FNDC3B: variants seen among roughly 807,000 people sequenced by gnomAD.
FNDC3B encodes the protein fibronectin type III domain-containing protein 3B.
A neutral mutation model predicts 151.5 loss-of-function variants in FNDC3B; 12 were observed. The observed-to-expected ratio is 0.08, with a 90% CI of 0.05 to 0.13. The LOEUF (loss-of-function observed/expected upper bound fraction) is 0.13, where lower values mean the gene tolerates loss of function less well. Among genes scored for constraint, FNDC3B ranks in the 10% least tolerant of loss-of-function variants. FNDC3B has a pLI of 1.00. For synonymous variants in FNDC3B, 528 were observed against 549.0 expected (o/e 0.96, Z 0.54); for missense variants, 1,214 against 1,505.3 (o/e 0.81, Z 3.20).
At chr3:172,350,143 T>G (rs1733792337) in intron 21 of FNDC3B, among the ~76,000 whole-genome samples, 1 of 152,228 alleles carries the variant, frequency 6.6e-6, no homozygotes, top group Admixed American at 6.5e-5. Flanking sequence ...TTGTTCATAA[T>G]TTTCCCAGTG....
At chr3:172,116,448 AGG>A (rs1720252238) in intron 2 of FNDC3B, among the ~76,000 whole-genome samples, 1 of 152,180 alleles carries the variant, frequency 6.6e-6, no homozygotes, top group Admixed American at 6.5e-5. Flanking sequence ...CCCCCGTCCT[AGG>A]TAACCACTAA....
Position 172,110,085 on chromosome 3 carries a change from A to G in FNDC3B, c.-28-2367A>G, listed in dbSNP as rs567302978. The stretch of plus-strand genomic sequence containing the variant: ...TGCTATTTAGCGGGGTTGGATTGCT[A>G]TGTCTCATTGACAGCGGTCCTGTTA... On this transcript the variant is annotated intron_variant, in intron 1 of 25. Transcript: ENST00000415807. 1.8e-3 allele frequency among the ~76,000 whole-genome samples: 276 copies of G among 152,262 alleles called. 1 individual carries two copies. Among genetic ancestry groups the G allele is most frequent in the African/African-American group, 6.3e-3 (263 of 41,550 alleles).
intron 1 of FNDC3B, among the ~76,000 whole-genome samples, chr3:172,053,022 C>A (rs1481315431): frequency 6.6e-6 from 1 of 152,178 alleles, no homozygotes; most frequent in Non-Finnish European, 1.5e-5. Context: ...TAGTGGCCAA[C>A]AATTTTCCAG....
At chr3:172,100,471 C>T (rs935359440) in intron 1 of FNDC3B, among the ~76,000 whole-genome samples, 2 of 151,954 alleles carry the variant, frequency 1.3e-5, no homozygotes, top group Admixed American at 6.6e-5. Flanking sequence ...AGTTTTCTGT[C>T]GAGAGAAAAT....
chr3:172,096,367 A>C (rs1719094225), intron 1 of FNDC3B, among the ~76,000 whole-genome samples: 1 of 152,342 alleles, frequency 6.6e-6, no homozygotes, highest in South Asian at 2.1e-4. Flanking sequence ...AATGGATTTA[A>C]ATAATTCTAT....
intron 1 of FNDC3B, among the ~76,000 whole-genome samples, chr3:172,079,017 AT>A (rs1718158703): frequency 6.6e-6 from 1 of 152,152 alleles, no homozygotes; most frequent in Non-Finnish European, 1.5e-5. Flanking sequence ...TGAGATAATA[AT>A]TTAACTCACG....
intron 3 of FNDC3B, among the ~76,000 whole-genome samples, chr3:172,164,993 ATATCT>A (rs1283578121): frequency 6.6e-6 from 1 of 152,138 alleles, no homozygotes; most frequent in Non-Finnish European, 1.5e-5. Flanking sequence ...ATTTTTCAAG[ATATCT>A]TAGGAATAGT....
intron 3 of FNDC3B, among the ~76,000 whole-genome samples, chr3:172,189,799 T>TAAAAA (rs60894339): frequency 1.2e-4 from 10 of 84,314 alleles, no homozygotes; most frequent in Non-Finnish European, 2.0e-4. Context: ...AGACCTTGTC[T>TAAAAA]AAAAAAAAAA....
chr3:172,108,257 C>T (rs1719769723), intron 1 of FNDC3B, among the ~76,000 whole-genome samples: 1 of 152,132 alleles, frequency 6.6e-6, no homozygotes, highest in Non-Finnish European at 1.5e-5. Context: ...TCATCCATCA[C>T]CTTATGACTG....
chr3:172,131,662 T>TA (rs1282915841), intron 2 of FNDC3B, among the ~76,000 whole-genome samples: 2 of 152,198 alleles, frequency 1.3e-5, no homozygotes, highest in East Asian at 1.9e-4. Context: ...TTTTCTGATT[T>TA]AAAAAAATTT....
At chr3:172,207,732 G>A (rs1461964383) in intron 3 of FNDC3B, among the ~76,000 whole-genome samples, 3 of 152,188 alleles carry the variant, frequency 2.0e-5, no homozygotes, top group Non-Finnish European at 4.4e-5. Context: ...TGGATCACTT[G>A]AGGTCAGGAG....
intron 4 of FNDC3B, among the ~76,000 whole-genome samples, chr3:172,237,918 CCAGT>C (rs1309153715): frequency 6.6e-6 from 1 of 152,158 alleles, no homozygotes; most frequent in Non-Finnish European, 1.5e-5. Context: ...AGAAACATCA[CCAGT>C]CACTTATTTT....
chr3:172,172,315 G>C (rs1170358523), intron 3 of FNDC3B, among the ~76,000 whole-genome samples: 2 of 152,084 alleles, frequency 1.3e-5, no homozygotes, highest in African/African-American at 4.8e-5. Context: ...TTAATTTCTA[G>C]ATTTAAAAAG....
chr3:172,297,352 G>A (rs1021608546), intron 8 of FNDC3B, among the ~76,000 whole-genome samples: 10 of 152,106 alleles, frequency 6.6e-5, no homozygotes, highest in Admixed American at 1.3e-4. Flanking sequence ...CCCCAAAATA[G>A]AGAAATCAAG....
intron 1 of FNDC3B, among the ~76,000 whole-genome samples, chr3:172,066,468 T>G (rs893175382): frequency 6.6e-6 from 1 of 152,332 alleles, no homozygotes; most frequent in Middle Eastern, 3.4e-3. Flanking sequence ...CCTGTTTACA[T>G]ATAGTTTTGG....
chr3:172,063,611 A>G (rs1252240469), intron 1 of FNDC3B, among the ~76,000 whole-genome samples: 1 of 152,218 alleles, frequency 6.6e-6, no homozygotes, highest in Non-Finnish European at 1.5e-5. Context: ...CAGATAGGAC[A>G]CAAGGGGTTC....
intron 3 of FNDC3B, among the ~76,000 whole-genome samples, chr3:172,189,389 T>G (rs1724382388): frequency 6.6e-6 from 1 of 152,176 alleles, no homozygotes; most frequent in Non-Finnish European, 1.5e-5. Flanking sequence ...TCATTCCAAA[T>G]TTTCTATGAC....
intron 2 of FNDC3B, among the ~76,000 whole-genome samples, chr3:172,130,501 G>A (rs975185651): frequency 4.6e-5 from 7 of 151,914 alleles, no homozygotes; most frequent in African/African-American, 1.7e-4. Flanking sequence ...GTGGGATGGG[G>A]GTCAGGAATT....
chr3:172,349,936 G>A (rs1733784295), intron 21 of FNDC3B, among the ~76,000 whole-genome samples: 1 of 152,154 alleles, frequency 6.6e-6, no homozygotes, highest in Non-Finnish European at 1.5e-5. Context: ...GATTCCAGGT[G>A]TGAGCCACCG....
Sources: allele counts gnomAD v4.1 joint callset (sites outside exome capture counted in the v4.1 genomes callset), GRCh38; gene constraint gnomAD v4.1.1; transcripts MANE v1.5; gene names NCBI Gene and HGNC (gene_info 2026-07-23, HGNC 2026-07-21).